Variants in GPAT4 observed in about 807,000 individuals in gnomAD.
The protein encoded by GPAT4 is glycerol-3-phosphate acyltransferase 4.
In GPAT4, 17 loss-of-function variants were observed where a neutral mutation model predicts 58.0. The ratio of observed to expected loss-of-function variants is 0.29; its 90% CI spans 0.20 to 0.44. GPAT4 has a LOEUF of 0.44. Ranked by LOEUF, GPAT4 falls within the 20% of genes least tolerant of loss-of-function variation. The pLI is 1.00. For missense variants in GPAT4, 377 were observed against 574.5 expected (o/e 0.66, Z 3.51); for synonymous variants, 204 against 210.1 (o/e 0.97, Z 0.25).
rs1175774828 is a variant in GPAT4 at position 41,609,729 on chromosome 8, C to A, written c.310C>A (p.Leu104Met). 1 of 1,614,118 alleles carries A rather than the reference C, an allele frequency of 6.2e-7. No homozygotes were observed. The highest frequency in any genetic ancestry group is 1.1e-5 in the South Asian group (1 of 91,086). ...TCGTCGAAGTGGTAGTAGTAAGGCTCTGGACAACACTCCAGAGTTCGAGCT... is the reference window on the plus strand; with the variant it reads ...TCGTCGAAGTGGTAGTAGTAAGGCTATGGACAACACTCCAGAGTTCGAGCT... ...EIRRSGSSKA[L>M]DNTPEFELSD... The change falls in exon 4 of 13, where the codon CTG (leucine) becomes ATG (methionine). Residue 104 changes from leucine (L) to methionine (M), a missense_variant. Coordinates refer to ENST00000396987, the MANE Select transcript of GPAT4 (RefSeq NM_178819.4).
At chr8:41,578,673 T>G (rs1802429813) in intron 1 of GPAT4, 1 of 152,252 alleles carries the variant, frequency 6.6e-6, no homozygotes, top group Non-Finnish European at 1.5e-5. Flanking sequence ...CCCCTGTCAT[T>G]CCCCTTCCTG....
At position 41,614,418 on chromosome 8, in the gene GPAT4, T is replaced by C; in HGVS notation, c.944T>C (p.Leu315Pro). ...GAACATGTGCAAGATAAAAGCAAGCTGCCTATCCTCATCTTCCCAGAAGGT... is the reference window on the plus strand; with the variant it reads ...GAACATGTGCAAGATAAAAGCAAGCCGCCTATCCTCATCTTCCCAGAAGGT... ...LTEHVQDKSK[L>P]PILIFPEGTC... Residue 315 changes from leucine to proline, a missense_variant, in exon 9 of 13, where the codon CTG becomes CCG. Transcript: ENST00000396987. The C allele has an allele frequency of 6.2e-7, 1 of 1,614,148 alleles. No homozygotes were observed. Among genetic ancestry groups the C allele is most frequent in the Non-Finnish European group, 8.5e-7 (1 of 1,180,012 alleles).
rs370488130 is a variant in GPAT4 at position 41,612,163 on chromosome 8, A to C, written c.702-17A>C. The C allele has an allele frequency of 6.2e-7, 1 of 1,613,956 alleles. No homozygotes were observed. Among genetic ancestry groups the C allele is most frequent in the Non-Finnish European group, 8.5e-7 (1 of 1,179,912 alleles). On this transcript the variant is annotated splice_polypyrimidine_tract_variant and intron_variant, in intron 6 of 12. Transcript: ENST00000396987. ...TTCACACTAATTTTGGTTGCTTTGC[A>C]TACATTTTAAACCCAGGGAAAACAG... is the stretch of plus-strand genomic sequence containing the variant.
chr8:41,605,237 T>C (rs1273101476), intron 2 of GPAT4, among the ~76,000 whole-genome samples: 1 of 152,186 alleles, frequency 6.6e-6, no homozygotes, highest in Non-Finnish European at 1.5e-5. Flanking sequence ...TTGTGTAGTC[T>C]AGTAGGAAAG....
At chr8:41,604,340 C>T (rs1185825736) in intron 2 of GPAT4, among the ~76,000 whole-genome samples, 2 of 152,128 alleles carry the variant, frequency 1.3e-5, no homozygotes, top group Non-Finnish European at 2.9e-5. Flanking sequence ...GTGTACCTGC[C>T]AAGGGAGGAG....
intron 9 of GPAT4, among the ~76,000 whole-genome samples, chr8:41,614,758 A>G (rs956224651): frequency 4.6e-5 from 7 of 152,162 alleles, no homozygotes; most frequent in Admixed American, 3.9e-4. Context: ...GAATCAGGGA[A>G]AGTGGTCCTG....
chr8:41,590,591 T>C (rs1169931826), intron 1 of GPAT4, among the ~76,000 whole-genome samples: 1 of 152,196 alleles, frequency 6.6e-6, no homozygotes, highest in Non-Finnish European at 1.5e-5. Flanking sequence ...TGAGGATTAC[T>C]TGAGGGTGGT....
chr8:41,584,704 C>T (rs1335880273), intron 1 of GPAT4: 1 of 152,182 alleles, frequency 6.6e-6, no homozygotes, highest in Non-Finnish European at 1.5e-5. Context: ...AAAGCTCCAG[C>T]AAATCAAATT....
chr8:41,586,056 CAGAA>C (rs1563267797), intron 1 of GPAT4, among the ~76,000 whole-genome samples: 2 of 152,326 alleles, frequency 1.3e-5, no homozygotes, highest in South Asian at 4.1e-4. Context: ...TTTGTCACCT[CAGAA>C]AGAAACGTTT....
intron 1 of GPAT4, among the ~76,000 whole-genome samples, chr8:41,582,662 GGAGA>G (rs747167705): frequency 5.6e-5 from 7 of 124,988 alleles, no homozygotes; most frequent in South Asian, 4.9e-4. Context: ...ACAAGGGGAG[GGAGA>G]GAGAGAGAGT....
rs555324242 is a variant in GPAT4 at position 41,609,052 on chromosome 8, T to C, written c.166-364T>C. On this transcript the variant is annotated intron_variant, in intron 2 of 12. Coordinates refer to ENST00000396987, the MANE Select transcript of GPAT4 (RefSeq NM_178819.4). ...TAGTTTACAGGATACCTGGCTTCGC[T>C]GTTTTGAGTAGCTGCCGTGCGGCAG... 7.9e-5 allele frequency among the ~76,000 whole-genome samples: 12 copies of C among 152,354 alleles called. 1 individual carries two copies. The South Asian group carries it at 2.5e-3, about 32-fold the overall frequency.
chr8:41,581,934 A>C (rs1585644500), intron 1 of GPAT4, among the ~76,000 whole-genome samples: 2 of 132,148 alleles, frequency 1.5e-5, no homozygotes, highest in Admixed American at 8.2e-5. Flanking sequence ...CACCCGGCCG[A>C]CTTGTTTGAA....
intron 1 of GPAT4, among the ~76,000 whole-genome samples, chr8:41,595,158 T>TG (rs1273579148): frequency 4.1e-5 from 6 of 145,458 alleles, no homozygotes; most frequent in Non-Finnish European, 9.1e-5. Context: ...TTGGTATAGT[T>TG]TTTTTTTTTT....
intron 1 of GPAT4, among the ~76,000 whole-genome samples, chr8:41,590,362 G>A (rs1802758773): frequency 2.0e-5 from 3 of 152,238 alleles, no homozygotes; most frequent in Admixed American, 2.0e-4. Context: ...GGGATTACAG[G>A]CATGAGCCAC....
At chr8:41,602,321 T>A (rs1160184709) in intron 2 of GPAT4, among the ~76,000 whole-genome samples, 1 of 152,162 alleles carries the variant, frequency 6.6e-6, no homozygotes, top group East Asian at 1.9e-4. Flanking sequence ...CCTCAACATT[T>A]AGAATATCAG....
intron 1 of GPAT4, among the ~76,000 whole-genome samples, chr8:41,582,281 G>A (rs1190673004): frequency 6.6e-6 from 1 of 152,134 alleles, no homozygotes; most frequent in Non-Finnish European, 1.5e-5. Flanking sequence ...TGGGATTACA[G>A]GCGTGAGACA....
At chr8:41,612,808 T>C in intron 7 of GPAT4, 37 bp from the exon 8 acceptor site, 3 of 1,560,966 alleles carry the variant, frequency 1.9e-6, no homozygotes, top group Non-Finnish European at 2.6e-6. Flanking sequence ...CGTGTGAAGA[T>C]GGCTTCACTA....
Position 41,620,901 on chromosome 8 carries a change from G to T in GPAT4, c.1271G>T (p.Gly424Val). Residue 424 changes from glycine (G) to valine (V), a missense_variant, in exon 13 of 13, where the codon GGC becomes GTC. Physicochemically the swap from Gly to Val is moderately radical, Grantham distance 109. Transcript: ENST00000396987. Reference protein sequence around the residue: ...GGLVDLLWDGGLKREKVKDTF... With the variant: ...GGLVDLLWDGVLKREKVKDTF... ...AGCCTTTGTCTCTCCAGGGATGGGG[G>T]CCTGAAGAGGGAGAAGGTGAAGGAC... 6.4e-7 allele frequency: 1 copy of T among 1,550,980 alleles called. No individual in the cohort carries two copies. The highest frequency in any genetic ancestry group is 8.7e-7 in the Non-Finnish European group (1 of 1,147,104).
At chr8:41,579,176 C>G (rs1802442738) in intron 1 of GPAT4, among the ~76,000 whole-genome samples, 1 of 152,234 alleles carries the variant, frequency 6.6e-6, no homozygotes, top group Non-Finnish European at 1.5e-5. Context: ...ATATACTTCT[C>G]TCTTTGAAAG....
Sources: gnomAD v4.1 joint callset for allele counts (sites outside exome capture counted in the v4.1 genomes callset) on GRCh38, gnomAD v4.1.1 for gene constraint, MANE v1.5 for transcripts, NCBI Gene and HGNC (gene_info 2026-07-23, HGNC 2026-07-21) for gene names.